Variants in DLG2 observed in about 807,000 individuals in gnomAD.
DLG2 encodes the protein discs large MAGUK scaffold protein 2, also known as disks large homolog 2.
DLG2 carries 45 observed loss-of-function variants against 132.5 expected under a neutral mutation model. The ratio of observed to expected loss-of-function variants is 0.34; its 90% CI spans 0.27 to 0.44. The LOEUF (loss-of-function observed/expected upper bound fraction) is 0.44, where lower values mean the gene tolerates loss of function less well. Among genes scored for constraint, DLG2 ranks in the 20% least tolerant of loss-of-function variants. The pLI is 1.00. For synonymous variants in DLG2, 424 were observed against 419.6 expected, an observed-to-expected ratio of 1.01 and a Z score of -0.13; for missense variants, 1,045 against 1,196.9, an observed-to-expected ratio of 0.87 and a Z score of 1.87.
intron 18 of DLG2, among the ~76,000 whole-genome samples, chr11:83,703,953 GC>G (rs2083425780): frequency 2.6e-5 from 4 of 152,106 alleles, no homozygotes; most frequent in African/African-American, 9.6e-5. Context: ...ATGAAGAAGT[GC>G]CCACAAAACA....
chr11:85,020,804 C>T, intron 6 of DLG2: 1 of 730,448 alleles, frequency 1.4e-6, no homozygotes, highest in Non-Finnish European at 2.5e-6. Context: ...TCCTCAGCCT[C>T]TTTTTCATCA....
intron 6 of DLG2, among the ~76,000 whole-genome samples, chr11:85,079,116 G>T (rs1258249485): frequency 1.3e-5 from 2 of 152,050 alleles, no homozygotes; most frequent in African/African-American, 4.8e-5. Context: ...GATTGTTGCA[G>T]GGTGGCTTTC....
intron 6 of DLG2, among the ~76,000 whole-genome samples, chr11:85,044,590 T>C (rs1035264532): frequency 6.6e-6 from 1 of 152,028 alleles, no homozygotes; most frequent in African/African-American, 2.4e-5. Context: ...AGTTAACTGT[T>C]AATGAGTAGT....
chr11:84,185,371 TTGTC>T (rs1439710958), intron 8 of DLG2, among the ~76,000 whole-genome samples: 8 of 152,280 alleles, frequency 5.3e-5, no homozygotes, highest in Admixed American at 3.3e-4. Context: ...GGCTCTCTGT[TTGTC>T]TGTTATTTGT....
intron 21 of DLG2, among the ~76,000 whole-genome samples, chr11:83,486,799 CA>C (rs1290370500): frequency 6.6e-6 from 1 of 151,832 alleles, no homozygotes; most frequent in Non-Finnish European, 1.5e-5. Context: ...CATTTGTGGA[CA>C]AAAAAACCAA....
At chr11:85,572,920 G>T (rs1439714590) in intron 3 of DLG2, among the ~76,000 whole-genome samples, 1 of 152,200 alleles carries the variant, frequency 6.6e-6, no homozygotes, top group Non-Finnish European at 1.5e-5. Context: ...ACTGATGGAA[G>T]GTATTTGGAT....
At chr11:83,480,484 C>T in intron 22 of DLG2, 1 of 1,496,508 alleles carries the variant, frequency 6.7e-7, no homozygotes, top group East Asian at 2.5e-5. Context: ...AAGGAATACA[C>T]TCATGCAAGG....
At chr11:84,023,461 G>A (rs2095453691) in intron 11 of DLG2, among the ~76,000 whole-genome samples, 1 of 152,088 alleles carries the variant, frequency 6.6e-6, no homozygotes, top group Non-Finnish European at 1.5e-5. Flanking sequence ...GTTCACTAAA[G>A]TAGCAAGTAG....
chr11:85,322,783 A>G (rs557560319), intron 3 of DLG2, among the ~76,000 whole-genome samples: 5 of 152,048 alleles, frequency 3.3e-5, no homozygotes, highest in East Asian at 1.9e-4. Flanking sequence ...TCTCCAATCA[A>G]TTATGAAGTC....
intron 18 of DLG2, chr11:83,725,055 A>G (rs1205912824): frequency 3.4e-6 from 2 of 582,292 alleles, no homozygotes; most frequent in Non-Finnish European, 6.2e-6. Flanking sequence ...GGCTAGTGGC[A>G]GAGCTAGTTT....
At chr11:84,562,610 T>A (rs1172150461) in intron 6 of DLG2, among the ~76,000 whole-genome samples, 1 of 152,172 alleles carries the variant, frequency 6.6e-6, no homozygotes, top group Non-Finnish European at 1.5e-5. Context: ...AGCAGTTTCG[T>A]CTTATATTTT....
chr11:83,998,489 G>A (rs567187561), intron 11 of DLG2, among the ~76,000 whole-genome samples: 1 of 152,248 alleles, frequency 6.6e-6, no homozygotes, highest in East Asian at 1.9e-4. Context: ...CTAAAGCAAA[G>A]AAGAAAAAGG....
chr11:85,572,797 T>C (rs1230660687), intron 3 of DLG2, among the ~76,000 whole-genome samples: 1 of 152,210 alleles, frequency 6.6e-6, no homozygotes, highest in Non-Finnish European at 1.5e-5. Flanking sequence ...TAGGGACACA[T>C]TCATCCACAT....
intron 3 of DLG2, among the ~76,000 whole-genome samples, chr11:85,534,239 C>CACT (rs2075417585): frequency 6.6e-6 from 1 of 151,992 alleles, no homozygotes. Context: ...GTGAAAGGTG[C>CACT]GCCTGGTCTA....
intron 3 of DLG2, among the ~76,000 whole-genome samples, chr11:85,416,338 A>C (rs2152988174): frequency 1.3e-5 from 2 of 152,294 alleles, no homozygotes; most frequent in African/African-American, 4.8e-5. Flanking sequence ...TGTTTTGGTT[A>C]CTGTAGCCTT....
At chr11:84,549,756 T>C (rs2099397956) in intron 6 of DLG2, among the ~76,000 whole-genome samples, 1 of 152,046 alleles carries the variant, frequency 6.6e-6, no homozygotes, top group South Asian at 2.1e-4. Flanking sequence ...TTCTCTTTTT[T>C]TGTTTGTTTG....
At chr11:83,823,468 T>G (rs549515444) in intron 17 of DLG2, among the ~76,000 whole-genome samples, 2 of 152,200 alleles carry the variant, frequency 1.3e-5, no homozygotes, top group African/African-American at 2.4e-5. Flanking sequence ...TTCCTCTTAG[T>G]CAATTAGGAA....
At position 85,424,882 on chromosome 11, in the gene DLG2, C is replaced by T. The variant is rs148957338; in HGVS notation, c.41-139517G>A. On this transcript the variant is annotated intron_variant, in intron 3 of 27. Transcript: ENST00000376104. ...TCTCCCAGCACCTGTTCTTCGACTT[C>T]GCAGCCTGCAGAATGGTGAGAAATA... is the stretch of plus-strand genomic sequence containing the variant. Among the ~76,000 whole-genome samples the T allele has an allele frequency of 4.9e-4, 75 of 152,252 alleles. 1 individual carries two copies. In the East Asian group the frequency reaches 0.012, roughly 24 times the overall value.
At chr11:84,467,935 T>C (rs571193438) in intron 7 of DLG2, among the ~76,000 whole-genome samples, 25 of 151,664 alleles carry the variant, frequency 1.6e-4, no homozygotes, top group Non-Finnish European at 3.5e-4. Context: ...GGCATACTGC[T>C]AACAATTATT....
Sources: allele counts gnomAD v4.1 joint callset (sites outside exome capture counted in the v4.1 genomes callset), GRCh38; gene constraint gnomAD v4.1.1; transcripts MANE v1.5; gene names NCBI Gene and HGNC (gene_info 2026-07-23, HGNC 2026-07-21).